The following RRAGD variants were observed in gnomAD, a reference collection of about 807,000 sequenced individuals.
RRAGD encodes Ras related GTP binding D.
Under a neutral mutation model 35.5 loss-of-function variants are expected in RRAGD, and 12 were observed. The observed-to-expected ratio is 0.34, with a 90% CI of 0.22 to 0.55. The LOEUF (loss-of-function observed/expected upper bound fraction) is 0.55. RRAGD is among the 20% of genes least tolerant of loss of function. RRAGD has a pLI of 0.91. For missense variants in RRAGD, 324 were observed against 490.1 expected, an observed-to-expected ratio of 0.66 and a Z score of 3.20; for synonymous variants, 155 against 178.9, an observed-to-expected ratio of 0.87 and a Z score of 1.07.
At chr6:89,399,723 G>A (rs1198001002) in intron 1 of RRAGD, among the ~76,000 whole-genome samples, 5 of 151,832 alleles carry the variant, frequency 3.3e-5, no homozygotes, top group East Asian at 1.9e-4. Flanking sequence ...AGGCTGCAGT[G>A]AGCTGTGATT....
intron 6 of RRAGD, 101 bp from the exon 7 acceptor site, chr6:89,368,308 G>C: frequency 1.9e-6 from 2 of 1,042,848 alleles, no homozygotes; most frequent in South Asian, 1.6e-5. Context: ...GGCAGTAGAG[G>C]ATGGTCTTAG....
At position 89,379,371 on chromosome 6, in the gene RRAGD, C is replaced by T. The variant is rs1220377518; in HGVS notation, c.645-33G>A. ...AGGAAACGGTATTTCATCATGTTTT[C>T]CCTTTGAATGAGGAACAGGCTGCTT... is the stretch of plus-strand genomic sequence containing the variant. On this transcript the variant is annotated intron_variant, in intron 3 of 6. Transcript: ENST00000369415. 2.5e-6 allele frequency: 3 copies of T among 1,185,220 alleles called. No individual in the cohort carries two copies. In the African/African-American group the frequency reaches 4.6e-5, roughly 18 times the overall value. The allele number at this position is 1,185,220 out of a possible 1,614,324, so 73.4% of individuals were successfully genotyped here.
At chr6:89,374,964 T>C (rs374665264) in intron 5 of RRAGD, among the ~76,000 whole-genome samples, 1 of 152,292 alleles carries the variant, frequency 6.6e-6, no homozygotes, top group African/African-American at 2.4e-5. Context: ...ACTGAAACAT[T>C]TAACATGTTT....
chr6:89,374,688 C>A (rs550338622), intron 5 of RRAGD, among the ~76,000 whole-genome samples: 3 of 151,968 alleles, frequency 2.0e-5, no homozygotes, highest in African/African-American at 7.2e-5. Context: ...CGAGATCATG[C>A]CATTGCACTC....
chr6:89,378,856 CAAGT>C (rs10572017), intron 4 of RRAGD, among the ~76,000 whole-genome samples: 11,358 of 152,276 alleles, frequency 0.075, 1,007 homozygotes, highest in East Asian at 0.27. Context: ...CTCCTGGGCT[CAAGT>C]AAGTACTCCT....
chr6:89,403,514 G>C (rs1231797930), intron 1 of RRAGD, among the ~76,000 whole-genome samples: 1 of 151,812 alleles, frequency 6.6e-6, no homozygotes, highest in African/African-American at 2.4e-5. Flanking sequence ...TCTAGGCATT[G>C]AGAACCTTTA....
Position 89,371,023 on chromosome 6 carries a change from G to A in RRAGD, c.1051+1414C>T, listed in dbSNP as rs571415410. 1.5e-4 allele frequency among the ~76,000 whole-genome samples: 22 copies of A among 151,462 alleles called. 1 individual carries two copies. In the South Asian group the frequency reaches 4.2e-3, roughly 29 times the overall value. Reference sequence around the variant, plus strand: ...GAATTAGGAAAATTTCATGATATACGTAAGTGAAATATATGTAATATAAAA... The same window carrying A: ...GAATTAGGAAAATTTCATGATATACATAAGTGAAATATATGTAATATAAAA... On this transcript the variant is annotated intron_variant, in intron 6 of 6. Coordinates refer to ENST00000369415, the MANE Select transcript of RRAGD (RefSeq NM_021244.5).
At chr6:89,402,038 ATTTTTTT>A (rs71556520) in intron 1 of RRAGD, among the ~76,000 whole-genome samples, 5 of 78,438 alleles carry the variant, frequency 6.4e-5, no homozygotes, top group African/African-American at 1.9e-4. Flanking sequence ...AATCCTAAGG[ATTTTTTT>A]TTTTTTTTTT....
At chr6:89,401,344 T>C (rs1769456641) in intron 1 of RRAGD, among the ~76,000 whole-genome samples, 1 of 151,808 alleles carries the variant, frequency 6.6e-6, no homozygotes, top group Non-Finnish European at 1.5e-5. Flanking sequence ...TGCAACCTCT[T>C]CCTCCCAGGT....
At position 89,412,137 on chromosome 6, in the gene RRAGD, C is replaced by T. The variant is rs932325884; in HGVS notation, c.-144G>A. ...CCCGGCGGAAGCGGGGGCCGCGCGT[C>T]CCCCGGCGGGCGGCGCCCAGGTCCG... On this transcript the variant is annotated 5_prime_UTR_variant, in exon 1 of 7. Coordinates refer to ENST00000369415, the MANE Select transcript of RRAGD (RefSeq NM_021244.5). The surrounding 1 kb of genome is among the most constrained non-coding windows in gnomAD (Gnocchi z 4.2). 1.0e-4 allele frequency: 81 copies of T among 776,626 alleles called. No individual in the cohort carries two copies. The highest frequency in any genetic ancestry group is 1.4e-4 in the Non-Finnish European group (79 of 570,194). 48.1% of individuals were successfully genotyped at this position (776,626 alleles called of 1,614,324 possible).
Position 89,365,058 on chromosome 6 carries a change from A to G in RRAGD, c.*2998T>C, listed in dbSNP as rs1768715235. ...GACAATTCAGCTGTTTTTCCAGAGT[A>G]TATTTCAAACAGAGTTGGCATATAA... On this transcript the variant is annotated 3_prime_UTR_variant, in exon 7 of 7. Coordinates refer to ENST00000369415, the MANE Select transcript of RRAGD (RefSeq NM_021244.5). The G allele has an allele frequency of 6.6e-6, 1 of 152,264 alleles. No homozygotes were observed. The highest frequency in any genetic ancestry group is 1.5e-5 in the Non-Finnish European group (1 of 68,052). 9.4% of individuals were successfully genotyped at this position (152,264 alleles called of 1,614,324 possible). A position where few individuals can be genotyped will look rare whatever the true frequency, so the allele number is the denominator to read the frequency against.
intron 1 of RRAGD, among the ~76,000 whole-genome samples, chr6:89,396,845 G>C (rs1238765125): frequency 1.4e-5 from 2 of 144,510 alleles, no homozygotes; most frequent in African/African-American, 5.2e-5. Context: ...GGGTTCAAGT[G>C]ATTCTCCTGC....
At chr6:89,403,857 C>T (rs1769527788) in intron 1 of RRAGD, among the ~76,000 whole-genome samples, 2 of 151,992 alleles carry the variant, frequency 1.3e-5, no homozygotes, top group African/African-American at 4.8e-5. Context: ...AGGGTCTCGC[C>T]ATGTTGTCCA....
Position 89,387,528 on chromosome 6 carries a change from T to G in RRAGD, c.211A>C (p.Arg71=). Reference sequence around the variant, plus strand: ...TGAATAGACGACTTGCCGCTTCTCCTCAGGCCCATGAGCAGGATTCTCGGC... The same window carrying G: ...TGAATAGACGACTTGCCGCTTCTCCGCAGGCCCATGAGCAGGATTCTCGGC... ...VKPRILLMGL[R]RSGKSSIQKV... Residue 71 remains arginine (R), a synonymous_variant, in exon 2 of 7, where the codon AGG becomes CGG. Transcript: ENST00000369415. 6.2e-7 allele frequency: 1 copy of G among 1,614,144 alleles called. No homozygotes were observed. The highest frequency in any genetic ancestry group is 8.5e-7 in the Non-Finnish European group (1 of 1,180,022).
intron 1 of RRAGD, among the ~76,000 whole-genome samples, chr6:89,395,390 CAAAG>C (rs970167070): frequency 3.3e-4 from 50 of 152,064 alleles, no homozygotes; most frequent in African/African-American, 1.2e-3. Context: ...AACTCTAAAA[CAAAG>C]AAAGAAGGGA....
chr6:89,388,863 G>A (rs1422152775), intron 1 of RRAGD, among the ~76,000 whole-genome samples: 1 of 152,220 alleles, frequency 6.6e-6, no homozygotes, highest in Non-Finnish European at 1.5e-5. Flanking sequence ...GACAATGACA[G>A]ATCATCAGGC....
intron 1 of RRAGD, among the ~76,000 whole-genome samples, chr6:89,407,855 C>T (rs558076958): frequency 4.4e-4 from 67 of 151,774 alleles, no homozygotes; most frequent in Non-Finnish European, 7.4e-4. Flanking sequence ...TTGTGCCTCC[C>T]GTTTCCATTA....
chr6:89,398,341 G>GTT (rs1414767172), intron 1 of RRAGD, among the ~76,000 whole-genome samples: 2 of 152,182 alleles, frequency 1.3e-5, no homozygotes, highest in African/African-American at 4.8e-5. Context: ...GTAATTGACA[G>GTT]TTACAGCTGT....
intron 2 of RRAGD, among the ~76,000 whole-genome samples, chr6:89,384,898 C>T (rs1769114712): frequency 6.6e-6 from 1 of 151,710 alleles, no homozygotes; most frequent in Admixed American, 6.6e-5. Context: ...AAAAAACACC[C>T]AAGAGAAGAG....
Sources: allele counts gnomAD v4.1 joint callset (sites outside exome capture counted in the v4.1 genomes callset), GRCh38; gene constraint gnomAD v4.1.1; non-coding constraint Gnocchi (gnomAD v3.1); transcripts MANE v1.5; gene names NCBI Gene and HGNC (gene_info 2026-07-23, HGNC 2026-07-21).